Variants in SPOCK1 observed in about 807,000 individuals in gnomAD.
SPOCK1 encodes the protein SPARC (osteonectin), cwcv and kazal like domains proteoglycan 1.
A neutral mutation model predicts 55.3 loss-of-function variants in SPOCK1; 23 were observed. That is an observed-to-expected ratio of 0.42 (90% CI 0.30 to 0.59). The LOEUF is 0.59. Among genes scored for constraint, SPOCK1 ranks in the 20% least tolerant of loss-of-function variants. The probability of loss-of-function intolerance (pLI) is 0.22; values close to 1 mark genes in which losing one functional copy is unlikely to be tolerated. For missense variants in SPOCK1, 499 were observed against 552.5 expected (o/e 0.90, Z 0.97); for synonymous variants, 226 against 221.0 (o/e 1.02, Z -0.20).
At chr5:137,021,188 T>C (rs913758431) in intron 6 of SPOCK1, among the ~76,000 whole-genome samples, 1 of 152,200 alleles carries the variant, frequency 6.6e-6, no homozygotes, top group African/African-American at 2.4e-5. Context: ...CAATGTTGAA[T>C]GCTACATAAC....
intron 6 of SPOCK1, among the ~76,000 whole-genome samples, chr5:137,040,336 C>T (rs774946308): frequency 2.6e-5 from 4 of 152,240 alleles, no homozygotes; most frequent in Non-Finnish European, 5.9e-5. Flanking sequence ...CCACACTGGG[C>T]ATATGTCTTT....
intron 2 of SPOCK1, among the ~76,000 whole-genome samples, chr5:137,414,949 A>G (rs1197584966): frequency 6.6e-6 from 1 of 151,492 alleles, no homozygotes. Flanking sequence ...TTTTCCATCA[A>G]AGACCTCCCT....
At chr5:137,068,383 G>A (rs1049331439) in intron 5 of SPOCK1, among the ~76,000 whole-genome samples, 15 of 152,316 alleles carry the variant, frequency 9.8e-5, no homozygotes, top group African/African-American at 3.4e-4. Context: ...AAGTTTACAC[G>A]GGTCTTCCCC....
At chr5:137,250,160 T>G (rs891343736) in intron 3 of SPOCK1, among the ~76,000 whole-genome samples, 1 of 152,216 alleles carries the variant, frequency 6.6e-6, no homozygotes, top group Non-Finnish European at 1.5e-5. Flanking sequence ...CAGATAAAAT[T>G]TTATTAAAAT....
chr5:137,227,921 C>T (rs892638330), intron 3 of SPOCK1, among the ~76,000 whole-genome samples: 2 of 152,224 alleles, frequency 1.3e-5, no homozygotes, highest in African/African-American at 4.8e-5. Flanking sequence ...CCACAAAACT[C>T]TGTGATCTGG....
At chr5:137,325,438 T>C (rs1446797494) in intron 2 of SPOCK1, among the ~76,000 whole-genome samples, 2 of 152,192 alleles carry the variant, frequency 1.3e-5, no homozygotes, top group South Asian at 2.1e-4. Context: ...AGCCAGATCT[T>C]GTATACAAAC....
At chr5:137,276,665 G>C (rs1314903658) in intron 2 of SPOCK1, among the ~76,000 whole-genome samples, 3 of 152,230 alleles carry the variant, frequency 2.0e-5, no homozygotes, top group Non-Finnish European at 4.4e-5. Flanking sequence ...TCTCAAAACT[G>C]ATGGTTCTAT....
chr5:136,980,908 A>G (rs1293732197), intron 9 of SPOCK1, among the ~76,000 whole-genome samples: 1 of 152,178 alleles, frequency 6.6e-6, no homozygotes, highest in Non-Finnish European at 1.5e-5. Flanking sequence ...TTGAGGGATG[A>G]AAGTAGCATT....
At chr5:137,392,502 GGTGATCTCTGGAGTTACA>G (rs1219997763) in intron 2 of SPOCK1, among the ~76,000 whole-genome samples, 1 of 152,146 alleles carries the variant, frequency 6.6e-6, no homozygotes, top group Non-Finnish European at 1.5e-5. Flanking sequence ...TGCTCCCAGG[GGTGATCTCTGGAGTTACA>G]GTGAAGGGTT....
chr5:137,008,476 C>A (rs1204072987), intron 6 of SPOCK1, among the ~76,000 whole-genome samples: 1 of 152,000 alleles, frequency 6.6e-6, no homozygotes, highest in Non-Finnish European at 1.5e-5. Context: ...AAAGTTGAAC[C>A]AAGGATTTTA....
chr5:137,389,495 G>T (rs1394926725), intron 2 of SPOCK1, among the ~76,000 whole-genome samples: 1 of 152,226 alleles, frequency 6.6e-6, no homozygotes, highest in Admixed American at 6.5e-5. Flanking sequence ...TTGACACATG[G>T]TCCCAACACT....
intron 3 of SPOCK1, among the ~76,000 whole-genome samples, chr5:137,235,586 ATGT>A (rs1337558248): frequency 1.3e-5 from 2 of 152,230 alleles, no homozygotes; most frequent in Admixed American, 6.5e-5. Context: ...TACAAGTGAA[ATGT>A]TGGTGGGTAT....
At chr5:137,178,127 C>T (rs1474095801) in intron 3 of SPOCK1, among the ~76,000 whole-genome samples, 1 of 152,192 alleles carries the variant, frequency 6.6e-6, no homozygotes, top group Non-Finnish European at 1.5e-5. Flanking sequence ...GACACTTCCT[C>T]CAAGAAGCCT....
chr5:137,093,459 A>G (rs750609954), intron 5 of SPOCK1, among the ~76,000 whole-genome samples: 1 of 152,236 alleles, frequency 6.6e-6, no homozygotes, highest in Non-Finnish European at 1.5e-5. Flanking sequence ...GCTAGGCCCC[A>G]TTCTAGAAAT....
In SPOCK1 at chr5:137,132,005, TATATATATATATATA is replaced by T. The variant is rs1160800475; in HGVS notation, c.347+8560_347+8574del. Among the ~76,000 whole-genome samples the T allele has an allele frequency of 3.7e-4, 30 of 80,224 alleles. 1 individual carries two copies. The highest frequency in any genetic ancestry group is 1.7e-3 in the African/African-American group (29 of 17,096). The allele number at this position is 80,224 out of a possible 152,430, so 52.6% of individuals were successfully genotyped here. A position where few individuals can be genotyped will look rare whatever the true frequency, so the allele number is the denominator to read the frequency against. ...AAAAAAAAAAATATATATATATATA[TATATATATATATATA>T]AAAAATTAGCTGGGCATGGTGGCAA... is the stretch of plus-strand genomic sequence containing the variant. On this transcript the variant is annotated intron_variant, in intron 4 of 10. Coordinates refer to ENST00000394945, the MANE Select transcript of SPOCK1 (RefSeq NM_004598.4).
intron 2 of SPOCK1, among the ~76,000 whole-genome samples, chr5:137,290,957 C>G (rs1757359349): frequency 6.6e-6 from 1 of 152,190 alleles, no homozygotes; most frequent in African/African-American, 2.4e-5. Context: ...CATAAAACAT[C>G]TCAATTGATG....
chr5:137,211,858 C>T (rs1755624484), intron 3 of SPOCK1, among the ~76,000 whole-genome samples: 1 of 152,148 alleles, frequency 6.6e-6, no homozygotes, highest in Admixed American at 6.5e-5. Context: ...CCCAAGAGGA[C>T]ATGGAAGCCC....
intron 3 of SPOCK1, among the ~76,000 whole-genome samples, chr5:137,222,806 C>G (rs370321474): frequency 6.6e-6 from 1 of 152,144 alleles, no homozygotes; most frequent in African/African-American, 2.4e-5. Context: ...TCAAAGGGGG[C>G]CACACTGTCC....
intron 2 of SPOCK1, among the ~76,000 whole-genome samples, chr5:137,447,990 G>C (rs1261220510): frequency 1.3e-5 from 2 of 152,220 alleles, no homozygotes; most frequent in Non-Finnish European, 2.9e-5. Flanking sequence ...GTTCATGCCT[G>C]TAATCCCAGC....
Sources: gnomAD v4.1 joint callset for allele counts (sites outside exome capture counted in the v4.1 genomes callset) on GRCh38, gnomAD v4.1.1 for gene constraint, MANE v1.5 for transcripts, NCBI Gene and HGNC (gene_info 2026-07-23, HGNC 2026-07-21) for gene names.